Variants in STIM2 observed in about 807,000 individuals in gnomAD.
The protein encoded by STIM2 is stromal interaction molecule 2.
In STIM2, 31 loss-of-function variants were observed where a neutral mutation model predicts 85.8. The ratio of observed to expected loss-of-function variants is 0.36; its 90% CI spans 0.27 to 0.49. STIM2 has a LOEUF of 0.49. STIM2 is among the 20% of genes least tolerant of loss of function. The probability of loss-of-function intolerance (pLI) is 0.98; values close to 1 mark genes in which losing one functional copy is unlikely to be tolerated. For synonymous variants in STIM2, 356 were observed against 331.1 expected, an observed-to-expected ratio of 1.08 and a Z score of -0.82; for missense variants, 841 against 927.6, an observed-to-expected ratio of 0.91 and a Z score of 1.21.
chr4:26,990,262 A>G (rs1727719174), intron 3 of STIM2, among the ~76,000 whole-genome samples: 1 of 152,200 alleles, frequency 6.6e-6, no homozygotes, highest in Non-Finnish European at 1.5e-5. Context: ...ACAGACACAT[A>G]TACCAACGAA....
chr4:27,017,982 A>G lies in STIM2; in HGVS notation c.1761A>G (p.Gln587=), dbSNP rs1728792376. 2.5e-6 allele frequency: 4 copies of G among 1,613,422 alleles called. No homozygotes were observed. The highest frequency in any genetic ancestry group is 3.4e-6 in the Non-Finnish European group (4 of 1,179,698). Residue 587 remains glutamine (Q), a splice_region_variant and synonymous_variant, in exon 11 of 12, where the codon CAA becomes CAG. Coordinates refer to ENST00000467087, the MANE Select transcript of STIM2 (RefSeq NM_020860.4). Reference sequence around the variant, plus strand: ...CCATTTACTTCTCTGCTGAAAAGCAATGGTATTGGCAGTGAATAATCTACA... The same window carrying G: ...CCATTTACTTCTCTGCTGAAAAGCAGTGGTATTGGCAGTGAATAATCTACA...
intron 1 of STIM2, among the ~76,000 whole-genome samples, chr4:26,872,706 A>C (rs1722669859): frequency 6.6e-6 from 1 of 152,216 alleles, no homozygotes. Context: ...TTTTGTTCTC[A>C]TGGAGCTTGC....
At chr4:26,987,005 G>C (rs1727607363) in intron 3 of STIM2, among the ~76,000 whole-genome samples, 1 of 152,210 alleles carries the variant, frequency 6.6e-6, no homozygotes, top group African/African-American at 2.4e-5. Context: ...TGTAGAAATA[G>C]TTAAGCAGTA....
intron 4 of STIM2, among the ~76,000 whole-genome samples, chr4:26,996,250 TTTAA>T (rs1259275109): frequency 1.3e-5 from 2 of 151,968 alleles, no homozygotes; most frequent in African/African-American, 4.8e-5. Context: ...AATTATAATT[TTTAA>T]TTAATTTAAT....
intron 3 of STIM2, among the ~76,000 whole-genome samples, chr4:26,964,160 T>C (rs982455896): frequency 5.9e-5 from 9 of 152,182 alleles, no homozygotes; most frequent in African/African-American, 2.2e-4. Context: ...GTAGTGAGTC[T>C]CTGTGTAAAT....
intron 2 of STIM2, among the ~76,000 whole-genome samples, chr4:26,948,581 G>C (rs1468509316): frequency 1.3e-5 from 2 of 152,160 alleles, no homozygotes; most frequent in East Asian, 3.9e-4. Flanking sequence ...AGGCAACATA[G>C]TGAGACATTG....
chr4:26,917,026 A>G (rs1267134853), intron 1 of STIM2, among the ~76,000 whole-genome samples: 2 of 152,176 alleles, frequency 1.3e-5, no homozygotes, highest in Non-Finnish European at 2.9e-5. Flanking sequence ...GAAGTAACAG[A>G]ATTTATCAGA....
intron 2 of STIM2, among the ~76,000 whole-genome samples, chr4:26,934,508 G>C (rs1311567622): frequency 6.6e-6 from 1 of 152,178 alleles, no homozygotes; most frequent in Non-Finnish European, 1.5e-5. Context: ...CTGTTTGCAG[G>C]TTTCTTCATC....
At chr4:26,879,693 G>C (rs1354133734) in intron 1 of STIM2, among the ~76,000 whole-genome samples, 3 of 152,104 alleles carry the variant, frequency 2.0e-5, no homozygotes, top group Non-Finnish European at 2.9e-5. Flanking sequence ...ACAAACATTA[G>C]TAATATTCCA....
chr4:26,999,854 TTTGA>T (rs1357098482), intron 5 of STIM2, among the ~76,000 whole-genome samples: 1 of 152,194 alleles, frequency 6.6e-6, no homozygotes, highest in Non-Finnish European at 1.5e-5. Context: ...GAAAATGTTA[TTTGA>T]TTGTTTTGAA....
intron 1 of STIM2, among the ~76,000 whole-genome samples, chr4:26,896,411 T>C (rs1723705020): frequency 6.6e-6 from 1 of 152,250 alleles, no homozygotes. Context: ...TCCTAAATTA[T>C]ACAGGGTGTA....
chr4:26,885,821 TTATATATATATATATATATATA>T lies in STIM2; in HGVS notation c.151+24484_151+24505del, dbSNP rs56851120. Among the ~76,000 whole-genome samples, 326 of 84,642 alleles carry T rather than the reference TTATATATATATATATATATATA, an allele frequency of 3.9e-3. 5 individuals are homozygous for T. The highest frequency in any genetic ancestry group is 0.032 in the South Asian group (69 of 2,168). 55.5% of individuals were successfully genotyped at this position (84,642 alleles called of 152,430 possible). On this transcript the variant is annotated intron_variant, in intron 1 of 11. Transcript: ENST00000467087. ...ATGAAGCCAAATTTAGCACCTCAGG[TTATATATATATATATATATATA>T]TATATATATATATATATATATATAT...
At position 27,012,776 on chromosome 4, in the gene STIM2, AT is replaced by A. The variant is rs1261135341; in HGVS notation, c.1489+3782del. ...TGCTGCCAGAATTTCACCAGGAAGT[AT>A]TTTTTTTAATGTTTTTGGTAGATTA... On this transcript the variant is annotated intron_variant, in intron 10 of 11. Transcript: ENST00000467087. Among the ~76,000 whole-genome samples, 32 of 151,886 alleles carry A rather than the reference AT, an allele frequency of 2.1e-4. No homozygotes were observed. In the East Asian group the frequency reaches 3.1e-3, roughly 15 times the overall value.
intron 3 of STIM2, among the ~76,000 whole-genome samples, chr4:26,978,125 A>G (rs1048963204): frequency 3.3e-5 from 5 of 152,050 alleles, no homozygotes; most frequent in African/African-American, 1.2e-4. Context: ...TAAGGACAAT[A>G]AATATTGTTG....
At chr4:26,948,960 G>A (rs1725946114) in intron 2 of STIM2, among the ~76,000 whole-genome samples, 1 of 152,038 alleles carries the variant, frequency 6.6e-6, no homozygotes, top group South Asian at 2.1e-4. Context: ...ACTATTAAGT[G>A]GTGATGATAG....
chr4:26,953,733 A>G (rs956714533), intron 2 of STIM2, among the ~76,000 whole-genome samples: 1 of 152,034 alleles, frequency 6.6e-6, no homozygotes. Flanking sequence ...GTTCTCTTTC[A>G]TTATTTTCTC....
chr4:26,952,244 T>C (rs1726080766), intron 2 of STIM2, among the ~76,000 whole-genome samples: 2 of 152,148 alleles, frequency 1.3e-5, no homozygotes, highest in Non-Finnish European at 2.9e-5. Flanking sequence ...TAGTAACCTC[T>C]ATCTCTATAC....
intron 1 of STIM2, among the ~76,000 whole-genome samples, chr4:26,915,720 G>A (rs1232722552): frequency 6.6e-6 from 1 of 152,206 alleles, no homozygotes; most frequent in African/African-American, 2.4e-5. Context: ...AGCGCAAAGT[G>A]CTGCTGTTAA....
intron 1 of STIM2, among the ~76,000 whole-genome samples, chr4:26,873,138 A>G (rs554131211): frequency 5.9e-5 from 9 of 152,242 alleles, no homozygotes; most frequent in African/African-American, 2.2e-4. Flanking sequence ...GGTGGCTCAC[A>G]CCTGTAATCC....
Sources: allele counts gnomAD v4.1 joint callset (sites outside exome capture counted in the v4.1 genomes callset), GRCh38; gene constraint gnomAD v4.1.1; transcripts MANE v1.5; gene names NCBI Gene and HGNC (gene_info 2026-07-23, HGNC 2026-07-21).